Variants in SLC7A1 observed in about 807,000 individuals in gnomAD.
SLC7A1 encodes solute carrier family 7 member 1.
SLC7A1 carries 10 observed loss-of-function variants against 53.9 expected under a neutral mutation model. That is an observed-to-expected ratio of 0.19 (90% confidence interval 0.11 to 0.31). The LOEUF (loss-of-function observed/expected upper bound fraction) is 0.31, where lower values mean the gene tolerates loss of function less well. SLC7A1 is among the 10% of genes least tolerant of loss of function. The pLI, the probability that SLC7A1 is intolerant of heterozygous loss-of-function variation, is 1.00. For missense variants in SLC7A1, 525 were observed against 827.2 expected (o/e 0.63, Z 4.48); for synonymous variants, 342 against 338.7 (o/e 1.01, Z -0.11).
rs921635269 is a variant in SLC7A1 at position 29,580,016 on chromosome 13, G to A, written c.-115+15400C>T. The stretch of plus-strand genomic sequence containing the variant: ...CACAGCATGGTCACCAAACTGCTCA[G>A]AGCTCTTTGGCGGATCCATAATCAT... On this transcript the variant is annotated intron_variant, in intron 1 of 12. Transcript: ENST00000380752. 5.3e-5 allele frequency among the ~76,000 whole-genome samples: 8 copies of A among 152,088 alleles called. 1 individual carries two copies. The South Asian group carries it at 1.5e-3, about 28-fold the overall frequency.
intron 1 of SLC7A1, among the ~76,000 whole-genome samples, chr13:29,582,134 G>A (rs1351388037): frequency 1.3e-5 from 2 of 152,242 alleles, no homozygotes; most frequent in Non-Finnish European, 2.9e-5. Flanking sequence ...AGAGTTGCAT[G>A]TGGGTGTACA....
At chr13:29,537,153 T>TGGAAGTCC (rs1869458263) in intron 2 of SLC7A1, among the ~76,000 whole-genome samples, 1 of 151,900 alleles carries the variant, frequency 6.6e-6, no homozygotes, top group African/African-American at 2.4e-5. Context: ...CTTCCTTCCA[T>TGGAAGTCC]AGAGTCCAGG....
At chr13:29,589,946 G>A (rs770868801) in intron 1 of SLC7A1, among the ~76,000 whole-genome samples, 1 of 152,158 alleles carries the variant, frequency 6.6e-6, no homozygotes, top group Non-Finnish European at 1.5e-5. Flanking sequence ...AAAGCGCAGA[G>A]TACATGGTGA....
intron 2 of SLC7A1, among the ~76,000 whole-genome samples, chr13:29,548,821 G>A (rs974326957): frequency 2.0e-5 from 3 of 152,154 alleles, no homozygotes; most frequent in African/African-American, 7.2e-5. Context: ...TGACACACAC[G>A]TAAAACACAC....
At chr13:29,572,804 G>A (rs951223812) in intron 1 of SLC7A1, among the ~76,000 whole-genome samples, 1 of 152,160 alleles carries the variant, frequency 6.6e-6, no homozygotes, top group Non-Finnish European at 1.5e-5. Flanking sequence ...ACCTGCATGG[G>A]ACTGTGCACA....
At chr13:29,523,103 A>G (rs9579384) in intron 7 of SLC7A1, among the ~76,000 whole-genome samples, 163 bp downstream of exon 7, 10,589 of 152,236 alleles carry the variant, frequency 0.07, 458 homozygotes, top group Middle Eastern at 0.16. Context: ...CCAACAAGGG[A>G]AAAGCCACAT....
intron 12 of SLC7A1, among the ~76,000 whole-genome samples, chr13:29,515,604 T>C (rs974116451): frequency 2.0e-5 from 3 of 152,098 alleles, no homozygotes; most frequent in African/African-American, 7.2e-5. Context: ...GGAAATGAGA[T>C]CCTCCCCTCC....
chr13:29,519,291 GCT>G (rs1374117549), intron 9 of SLC7A1, among the ~76,000 whole-genome samples, 154 bp downstream of exon 9: 1 of 152,130 alleles, frequency 6.6e-6, no homozygotes, highest in African/African-American at 2.4e-5. Context: ...TCCTAACTGG[GCT>G]CTCAACCCAG....
chr13:29,538,301 AG>A (rs1311111693), intron 2 of SLC7A1, among the ~76,000 whole-genome samples: 1 of 152,128 alleles, frequency 6.6e-6, no homozygotes, highest in Non-Finnish European at 1.5e-5. Context: ...GGAGGAAATG[AG>A]GAGGGAGCGC....
intron 1 of SLC7A1, among the ~76,000 whole-genome samples, chr13:29,584,572 A>G (rs1871795799): frequency 6.6e-6 from 1 of 152,170 alleles, no homozygotes; most frequent in Non-Finnish European, 1.5e-5. Flanking sequence ...ACAAGGACAG[A>G]CATTTGCACA....
At chr13:29,537,474 T>C (rs1869474589) in intron 2 of SLC7A1, among the ~76,000 whole-genome samples, 2 of 152,180 alleles carry the variant, frequency 1.3e-5, no homozygotes, top group Non-Finnish European at 2.9e-5. Flanking sequence ...CTAAATGCAA[T>C]GTGGGATCCT....
chr13:29,517,810 G>A lies in SLC7A1; in HGVS notation c.1293-20C>T, dbSNP rs375464757. ...TGGTACCTGGGAAGAAAGGCATTGC[G>A]TGACCGCCACATCTGCTTCAAGCAA... On this transcript the variant is annotated intron_variant, in intron 9 of 12. Coordinates refer to ENST00000380752, the MANE Select transcript of SLC7A1 (RefSeq NM_003045.5). The A allele has an allele frequency of 2.0e-5, 32 of 1,592,820 alleles. No individual in the cohort carries two copies. In the Admixed American group the frequency reaches 4.0e-4, roughly 20 times the overall value.
At chr13:29,517,376 C>T in intron 10 of SLC7A1, 66 bp from the exon 11 acceptor site, 2 of 1,513,106 alleles carry the variant, frequency 1.3e-6, no homozygotes, top group Non-Finnish European at 1.8e-6. Context: ...CAGGCATCCA[C>T]TGTTCTCCCC....
chr13:29,545,523 A>G (rs1869877964), intron 2 of SLC7A1, among the ~76,000 whole-genome samples: 1 of 152,264 alleles, frequency 6.6e-6, no homozygotes, highest in Admixed American at 6.5e-5. Context: ...GAGACAATGT[A>G]CTAGGAAACG....
chr13:29,583,223 T>C (rs369165999), intron 1 of SLC7A1, among the ~76,000 whole-genome samples: 10 of 152,324 alleles, frequency 6.6e-5, no homozygotes, highest in African/African-American at 2.4e-4. Context: ...CCCCCACAGT[T>C]CTGTTCCTTC....
At chr13:29,570,712 C>T (rs1489139817) in intron 1 of SLC7A1, among the ~76,000 whole-genome samples, 2 of 152,100 alleles carry the variant, frequency 1.3e-5, no homozygotes, top group South Asian at 4.2e-4. Flanking sequence ...AAAAAATTAG[C>T]GAGAGATGGT....
intron 1 of SLC7A1, among the ~76,000 whole-genome samples, chr13:29,569,257 GGAGA>G (rs1871095153): frequency 1.3e-5 from 2 of 152,172 alleles, no homozygotes; most frequent in Non-Finnish European, 2.9e-5. Flanking sequence ...CTGTCTCATT[GGAGA>G]TCGGCCCTTC....
chr13:29,544,453 T>G (rs1869817632), intron 2 of SLC7A1, among the ~76,000 whole-genome samples: 1 of 152,222 alleles, frequency 6.6e-6, no homozygotes, highest in African/African-American at 2.4e-5. Flanking sequence ...ATGAAAGTCC[T>G]TTACATTTTA....
intron 2 of SLC7A1, 133 bp from the exon 3 acceptor site, chr13:29,536,335 T>G: frequency 1.1e-6 from 1 of 940,780 alleles, no homozygotes; most frequent in Non-Finnish European, 1.6e-6. Context: ...CTTTAATTCG[T>G]AGAATTCCAC....
Sources: gnomAD v4.1 joint callset for allele counts (sites outside exome capture counted in the v4.1 genomes callset) on GRCh38, gnomAD v4.1.1 for gene constraint, MANE v1.5 for transcripts, NCBI Gene and HGNC (gene_info 2026-07-23, HGNC 2026-07-21) for gene names.